The following CASP8 variants were observed in gnomAD, a reference collection of about 807,000 sequenced individuals.
The protein encoded by CASP8 is caspase-8.
In CASP8, 24 loss-of-function variants were observed where a neutral mutation model predicts 46.3. That is an observed-to-expected ratio of 0.52 (90% CI 0.38 to 0.73). The LOEUF is 0.73. CASP8 is among the 30% of genes least tolerant of loss of function. The probability of loss-of-function intolerance (pLI) is 0.00; values close to 1 mark genes in which losing one functional copy is unlikely to be tolerated. For missense variants in CASP8, 460 were observed against 559.0 expected, an observed-to-expected ratio of 0.82 and a Z score of 1.79; for synonymous variants, 188 against 200.4, an observed-to-expected ratio of 0.94 and a Z score of 0.52.
chr2:201,238,498 G>A (rs771415621), intron 2 of CASP8, among the ~76,000 whole-genome samples: 2 of 151,646 alleles, frequency 1.3e-5, no homozygotes, highest in Non-Finnish European at 2.9e-5. Context: ...CTGGAGTGCA[G>A]TGGCGTAATC....
At chr2:201,265,559 T>G (rs1947751005) in intron 1 of CASP8, among the ~76,000 whole-genome samples, 1 of 152,158 alleles carries the variant, frequency 6.6e-6, no homozygotes. Context: ...TTCCAGTCTG[T>G]CCTTTGCACT....
Position 201,266,856 on chromosome 2 carries a change from T to G in CASP8, c.305+65T>G. On this transcript the variant is annotated intron_variant, in intron 2 of 8. Coordinates refer to ENST00000673742, the MANE Select transcript of CASP8 (RefSeq NM_001372051.1). This position sits in a 1 kb window ranked among gnomAD's most constrained non-coding sequence, Gnocchi z 5.7. ...TTGAATGGACAGCCTCTGAGCTGAT[T>G]GGGGCTTTTTTTTGTGGTACCCTGC... 7.7e-7 allele frequency: 1 copy of G among 1,293,796 alleles called. No individual in the cohort carries two copies. The highest frequency in any genetic ancestry group is 1.1e-6 in the Non-Finnish European group (1 of 927,242). The allele number at this position is 1,293,796 out of a possible 1,614,324, so 80.1% of individuals were successfully genotyped here.
intron 2 of CASP8, chr2:201,269,561 A>G (rs781137365): frequency 1.2e-6 from 2 of 1,613,694 alleles, no homozygotes; most frequent in South Asian, 2.2e-5. Flanking sequence ...AGTGCCAGAC[A>G]CAGTCTGTAC....
chr2:201,254,041 A>G (rs1946906666), intron 2 of CASP8, among the ~76,000 whole-genome samples: 1 of 150,368 alleles, frequency 6.7e-6, no homozygotes, highest in Non-Finnish European at 1.5e-5. Context: ...AGATTGCACC[A>G]TTGCACTCCA....
intron 6 of CASP8, 58 bp downstream of exon 6, chr2:201,275,011 G>T (rs953248061): frequency 1.5e-4 from 176 of 1,154,882 alleles, no homozygotes; most frequent in Admixed American, 6.9e-4. Flanking sequence ...TATTTAATTT[G>T]TTAGCTTTTT....
In CASP8 at chr2:201,286,765, G is replaced by A. The variant is rs1040652046; in HGVS notation, c.*171G>A. 8 of 561,970 alleles carry A rather than the reference G, an allele frequency of 1.4e-5. No individual in the cohort carries two copies. Among genetic ancestry groups the A allele is most frequent in the South Asian group, 5.5e-5 (3 of 54,080 alleles). The allele number at this position is 561,970 out of a possible 1,614,324, so 34.8% of individuals were successfully genotyped here. A position where few individuals can be genotyped will look rare whatever the true frequency, so the allele number is the denominator to read the frequency against. ...CGAGTAGCTGGGACTACAGGGGCCC[G>A]CCACCACACCTGGCTAATTTTTTAA... On this transcript the variant is annotated 3_prime_UTR_variant, in exon 9 of 9. Transcript: ENST00000673742.
At chr2:201,281,568 T>G (rs1949010706) in intron 7 of CASP8, among the ~76,000 whole-genome samples, 1 of 151,870 alleles carries the variant, frequency 6.6e-6, no homozygotes, top group Non-Finnish European at 1.5e-5. Context: ...GGGGATAACC[T>G]TTTGTATAAG....
intron 5 of CASP8, among the ~76,000 whole-genome samples, chr2:201,274,070 A>G (rs1162027375): frequency 6.6e-6 from 1 of 152,214 alleles, no homozygotes; most frequent in Non-Finnish European, 1.5e-5. Flanking sequence ...CATATTATGA[A>G]TATTTTTATT....
At chr2:201,249,436 A>G (rs577859765) in intron 2 of CASP8, among the ~76,000 whole-genome samples, 1 of 152,368 alleles carries the variant, frequency 6.6e-6, no homozygotes, top group Non-Finnish European at 1.5e-5. Flanking sequence ...AGGTTTAGAG[A>G]AAAAACAGAG....
At chr2:201,248,931 G>A (rs1054504594) in intron 2 of CASP8, among the ~76,000 whole-genome samples, 1 of 152,094 alleles carries the variant, frequency 6.6e-6, no homozygotes, top group African/African-American at 2.4e-5. Context: ...TTACTCTGTT[G>A]CCCAGGCTGG....
chr2:201,238,307 A>T (rs1946142366), intron 2 of CASP8, among the ~76,000 whole-genome samples: 1 of 152,240 alleles, frequency 6.6e-6, no homozygotes, highest in Non-Finnish European at 1.5e-5. Context: ...TATGCCTGGA[A>T]TATATGGGAT....
chr2:201,280,257 GGAGT>G (rs1173634171), intron 7 of CASP8, among the ~76,000 whole-genome samples: 1 of 152,042 alleles, frequency 6.6e-6, no homozygotes, highest in African/African-American at 2.4e-5. Flanking sequence ...ATAGAAAATA[GGAGT>G]GAAAGATAAG....
chr2:201,285,006 C>T lies in CASP8; in HGVS notation c.993C>T (p.Ala331=). ...TCTATGGCACTGATGGACAGGAGGC[C>T]CCCATCTATGAGCTGACATCTCAGT... ...GIIYGTDGQE[A]PIYELTSQFT... The change falls in exon 8 of 9, where the codon GCC becomes GCT. Residue 331 remains alanine, a synonymous_variant. Transcript: ENST00000673742. The T allele has an allele frequency of 6.2e-7, 1 of 1,614,144 alleles. No homozygotes were observed.
intron 2 of CASP8, among the ~76,000 whole-genome samples, chr2:201,268,551 C>CAA (rs199733736): frequency 1.0e-4 from 15 of 143,226 alleles, no homozygotes; most frequent in African/African-American, 2.8e-4. Flanking sequence ...AACTCTGTCT[C>CAA]AAAAAAAAAA....
upstream of CASP8, among the ~76,000 whole-genome samples, chr2:201,257,112 T>G (rs562100264): frequency 6.6e-6 from 1 of 151,410 alleles, no homozygotes; most frequent in South Asian, 2.1e-4. Flanking sequence ...ACCATTGCAC[T>G]CCAGCCTGGG....
chr2:201,253,951 C>T (rs1334211843), intron 2 of CASP8, among the ~76,000 whole-genome samples: 5 of 152,080 alleles, frequency 3.3e-5, no homozygotes, highest in Middle Eastern at 3.4e-3. Context: ...TGTGGTGGCA[C>T]ACACCTGTAA....
intron 7 of CASP8, among the ~76,000 whole-genome samples, chr2:201,283,782 A>C (rs1279264369): frequency 2.5e-4 from 9 of 36,438 alleles, no homozygotes; most frequent in South Asian, 3.8e-3. Context: ...GGAGCCCCTC[A>C]CCTCCCGGAC....
intron 7 of CASP8, among the ~76,000 whole-genome samples, chr2:201,283,801 T>C: frequency 2.0e-5 from 1 of 49,854 alleles, no homozygotes; most frequent in Non-Finnish European, 4.9e-5. Context: ...ACGGGGCGGC[T>C]GGCCGGGCGG....
Position 201,281,399 on chromosome 2 carries a change from A to G in CASP8, c.803-3417A>G, listed in dbSNP as rs185256701. 2.8e-4 allele frequency among the ~76,000 whole-genome samples: 42 copies of G among 152,360 alleles called. No homozygotes were observed. In the Middle Eastern group the frequency reaches 0.01, roughly 37 times the overall value. On this transcript the variant is annotated intron_variant, in intron 7 of 8. Coordinates refer to ENST00000673742, the MANE Select transcript of CASP8 (RefSeq NM_001372051.1). ...GTAAGAGCCCAAATGCTTATTCTCC[A>G]TAATAAGAACTCAATGCGAAAGTCT... is the stretch of plus-strand genomic sequence containing the variant.
Sources: allele counts gnomAD v4.1 joint callset (sites outside exome capture counted in the v4.1 genomes callset), GRCh38; gene constraint gnomAD v4.1.1; non-coding constraint Gnocchi (gnomAD v3.1); transcripts MANE v1.5; gene names NCBI Gene and HGNC (gene_info 2026-07-23, HGNC 2026-07-21).